KAT7: variants seen among roughly 807,000 people sequenced by gnomAD.
KAT7 encodes the protein lysine acetyltransferase 7, also known as histone acetyltransferase KAT7.
A neutral mutation model predicts 82.1 loss-of-function variants in KAT7; 10 were observed. That is an observed-to-expected ratio of 0.12 (90% CI 0.08 to 0.21). The LOEUF is 0.21. Among genes scored for constraint, KAT7 ranks in the 10% least tolerant of loss-of-function variants. KAT7 has a pLI of 1.00. For missense variants in KAT7, 378 were observed against 760.9 expected, an observed-to-expected ratio of 0.50 and a Z score of 5.92; for synonymous variants, 250 against 262.5, an observed-to-expected ratio of 0.95 and a Z score of 0.46.
intron 9 of KAT7, among the ~76,000 whole-genome samples, chr17:49,821,030 C>G (rs2074297194): frequency 6.6e-6 from 1 of 152,044 alleles, no homozygotes; most frequent in African/African-American, 2.4e-5. Flanking sequence ...TGGTAATAAG[C>G]AAGCGTATTG....
At position 49,798,303 on chromosome 17, in the gene KAT7, A is replaced by G. The variant is rs1387824003; in HGVS notation, c.341-16A>G. ...TGAACTCCACTCATAACTTCTACCAATTGCTTTTGCTTTAGAAACTAAAAA... is the reference window on the plus strand; with the variant it reads ...TGAACTCCACTCATAACTTCTACCAGTTGCTTTTGCTTTAGAAACTAAAAA... On this transcript the variant is annotated splice_polypyrimidine_tract_variant and intron_variant, in intron 3 of 14. Transcript: ENST00000259021. The G allele has an allele frequency of 3.7e-6, 6 of 1,611,088 alleles. No homozygotes were observed. The highest frequency in any genetic ancestry group is 4.5e-5 in the East Asian group (2 of 44,800).
intron 4 of KAT7, among the ~76,000 whole-genome samples, chr17:49,799,177 C>T (rs982704608): frequency 2.6e-5 from 4 of 152,186 alleles, no homozygotes; most frequent in Admixed American, 2.6e-4. Flanking sequence ...CTTATTTGTG[C>T]ACCTTCAGTG....
Position 49,826,018 on chromosome 17 carries a change from T to A in KAT7, c.1499T>A (p.Val500Asp). 6.2e-7 allele frequency: 1 copy of A among 1,610,932 alleles called. No individual in the cohort carries two copies. The stretch of plus-strand genomic sequence containing the variant: ...CTGGCAGGTTATTTGCTTTCCAAAG[T>A]CGAAGAAAAAGTTGGCTCCCCAGAA... ...LIDFSYLLSKVEEKVGSPERP... is the reference protein window; with the variant it reads ...LIDFSYLLSKDEEKVGSPERP... The change falls in exon 13 of 15, where the codon GTC becomes GAC. Residue 500 changes from valine (V) to aspartate (D), a missense_variant. Val to Asp is a radical substitution (Grantham distance 152). Transcript: ENST00000259021.
chr17:49,797,645 G>C (rs1056823310), intron 3 of KAT7, among the ~76,000 whole-genome samples: 1 of 152,294 alleles, frequency 6.6e-6, no homozygotes, highest in Admixed American at 6.5e-5. Context: ...TAAATTTGTT[G>C]CTAGTATTTG....
intron 1 of KAT7, among the ~76,000 whole-genome samples, chr17:49,791,465 C>G (rs184105491): frequency 3.3e-5 from 5 of 152,166 alleles, no homozygotes; most frequent in African/African-American, 1.2e-4. Context: ...CAAGACCAGC[C>G]TGGCCAACAT....
Position 49,829,299 on chromosome 17 carries a change from G to C in KAT7, c.*1797G>C, listed in dbSNP as rs2074403168. 1 of 152,176 alleles carries C rather than the reference G, an allele frequency of 6.6e-6. No individual in the cohort carries two copies. Among genetic ancestry groups the C allele is most frequent in the South Asian group, 2.1e-4 (1 of 4,830 alleles). The allele number at this position is 152,176 out of a possible 1,614,324, so 9.4% of individuals were successfully genotyped here. Reference sequence around the variant, plus strand: ...TCACTCTGAACTTCTCTAGATGGTGGCACAAATTTGATCTGCCTCACTTTG... The same window carrying C: ...TCACTCTGAACTTCTCTAGATGGTGCCACAAATTTGATCTGCCTCACTTTG... On this transcript the variant is annotated 3_prime_UTR_variant, in exon 15 of 15. Transcript: ENST00000259021.
intron 1 of KAT7, among the ~76,000 whole-genome samples, chr17:49,790,345 T>G (rs1441057187): frequency 6.6e-6 from 1 of 152,086 alleles, no homozygotes; most frequent in African/African-American, 2.4e-5. Context: ...TACAGGCGGA[T>G]TCCATGACGC....
chr17:49,811,316 A>C (rs1305225545), intron 6 of KAT7, among the ~76,000 whole-genome samples, 160 bp from the exon 7 acceptor site: 2 of 152,042 alleles, frequency 1.3e-5, no homozygotes, highest in East Asian at 3.9e-4. Context: ...CATGTTGTCC[A>C]GGCTGGTCTT....
intron 9 of KAT7, 106 bp from the exon 10 acceptor site, chr17:49,821,231 C>T: frequency 1.4e-6 from 1 of 736,836 alleles, no homozygotes; most frequent in South Asian, 1.8e-5. Context: ...GTCCAACTGT[C>T]CGGTAGCTCA....
intron 7 of KAT7, among the ~76,000 whole-genome samples, chr17:49,812,227 TA>T (rs1389725528): frequency 6.8e-6 from 1 of 146,632 alleles, no homozygotes; most frequent in Admixed American, 7.1e-5. Flanking sequence ...TGTTTTCGCT[TA>T]AAAATCTTTT....
chr17:49,801,291 C>G (rs1014531408), intron 4 of KAT7, among the ~76,000 whole-genome samples: 6 of 152,270 alleles, frequency 3.9e-5, no homozygotes, highest in Admixed American at 3.3e-4. Context: ...TCAAGTGATT[C>G]TCATGCGTCA....
chr17:49,791,426 G>A (rs1443019790), intron 1 of KAT7, among the ~76,000 whole-genome samples: 2 of 152,228 alleles, frequency 1.3e-5, no homozygotes, highest in Non-Finnish European at 2.9e-5. Context: ...GGGAGGCCAA[G>A]GCGGGTGGAT....
chr17:49,813,001 T>A (rs1176159417), intron 7 of KAT7, among the ~76,000 whole-genome samples: 1 of 106,224 alleles, frequency 9.4e-6, no homozygotes, highest in African/African-American at 4.1e-5. Flanking sequence ...GCACCCAGCC[T>A]TTTTTTTTTT....
intron 7 of KAT7, among the ~76,000 whole-genome samples, chr17:49,813,225 T>G (rs2074192033): frequency 6.6e-6 from 1 of 152,068 alleles, no homozygotes; most frequent in Admixed American, 6.6e-5. Flanking sequence ...CTTCTTTGTG[T>G]CCCTCTGTAC....
chr17:49,821,242 G>T (rs1166206746), intron 9 of KAT7, 95 bp from the exon 10 acceptor site: 1 of 863,424 alleles, frequency 1.2e-6, no homozygotes, highest in Non-Finnish European at 1.9e-6. Context: ...CGGTAGCTCA[G>T]TTAACCACAT....
chr17:49,808,936 G>C (rs73337018), intron 5 of KAT7, among the ~76,000 whole-genome samples, 183 bp from the exon 6 acceptor site: 3,586 of 152,250 alleles, frequency 0.024, 137 homozygotes, highest in African/African-American at 0.081. Flanking sequence ...CCTGTTATTG[G>C]CTGAGAAGGC....
chr17:49,826,873 A>G, intron 14 of KAT7, 74 bp downstream of exon 14: 1 of 939,430 alleles, frequency 1.1e-6, no homozygotes, highest in Non-Finnish European at 1.7e-6. Flanking sequence ...ATGGGCCTTA[A>G]GACTGGAGAA....
intron 3 of KAT7, 110 bp downstream of exon 3, chr17:49,797,036 A>G: frequency 1.3e-6 from 1 of 798,944 alleles, no homozygotes; most frequent in East Asian, 2.5e-5. Context: ...CAGCTAGATG[A>G]ATGCTGTTTG....
chr17:49,810,859 C>T (rs926040669), intron 6 of KAT7, among the ~76,000 whole-genome samples: 2 of 151,848 alleles, frequency 1.3e-5, no homozygotes, highest in Admixed American at 6.6e-5. Context: ...TTTAGCTGGG[C>T]GTGGTGGTGT....
Sources: allele counts gnomAD v4.1 joint callset (sites outside exome capture counted in the v4.1 genomes callset), GRCh38; gene constraint gnomAD v4.1.1; transcripts MANE v1.5; gene names NCBI Gene and HGNC (gene_info 2026-07-23, HGNC 2026-07-21).